RETREG1: variants seen among roughly 807,000 people sequenced by gnomAD.
The protein encoded by RETREG1 is family with sequence similarity 134 member B.
RETREG1 carries 44 observed loss-of-function variants against 54.8 expected under a neutral mutation model. That is an observed-to-expected ratio of 0.80 (90% CI 0.63 to 1.03). RETREG1 has a LOEUF of 1.03. Ranked by LOEUF, RETREG1 falls within the 50% of genes least tolerant of loss-of-function variation. RETREG1 has a pLI of 0.00. For missense variants in RETREG1, 554 were observed against 605.1 expected, an observed-to-expected ratio of 0.92 and a Z score of 0.89; for synonymous variants, 217 against 238.5, an observed-to-expected ratio of 0.91 and a Z score of 0.83.
At chr5:16,589,558 G>C (rs1182075177) in intron 1 of RETREG1, among the ~76,000 whole-genome samples, 1 of 152,110 alleles carries the variant, frequency 6.6e-6, no homozygotes, top group East Asian at 1.9e-4. Context: ...TAGAGACGGG[G>C]CTTCACCATG....
intron 3 of RETREG1, among the ~76,000 whole-genome samples, chr5:16,483,932 G>C (rs1463739907): frequency 6.6e-6 from 1 of 152,038 alleles, no homozygotes; most frequent in Non-Finnish European, 1.5e-5. Context: ...GAGGAGACTA[G>C]GTCATGGAAG....
At chr5:16,570,226 TCTA>T (rs1303457590) in intron 2 of RETREG1, among the ~76,000 whole-genome samples, 10 of 152,336 alleles carry the variant, frequency 6.6e-5, no homozygotes, top group Admixed American at 1.3e-4. Context: ...TTCTTTCTAT[TCTA>T]CTACCTTAAT....
chr5:16,484,272 A>T lies in RETREG1; in HGVS notation c.459-800T>A, dbSNP rs1738932045. On this transcript the variant is annotated intron_variant, in intron 3 of 8. Transcript: ENST00000306320. ...CCAGGAAGAAGACACATGTAAATAC[A>T]TGTCATTCCCTAACATTACAATGAC... is the stretch of plus-strand genomic sequence containing the variant. Among the ~76,000 whole-genome samples, 5 of 152,278 alleles carry T rather than the reference A, an allele frequency of 3.3e-5. No homozygotes were observed. In the South Asian group the frequency reaches 1.0e-3, roughly 32 times the overall value.
intron 3 of RETREG1, among the ~76,000 whole-genome samples, chr5:16,517,119 C>T (rs13181248): frequency 3.5e-4 from 26 of 73,524 alleles, no homozygotes; most frequent in African/African-American, 3.0e-4. Flanking sequence ...ATATATCTAA[C>T]AGGAGTCTTG....
chr5:16,524,285 A>C (rs569011130), intron 3 of RETREG1, among the ~76,000 whole-genome samples: 1 of 152,204 alleles, frequency 6.6e-6, no homozygotes, highest in South Asian at 2.1e-4. Flanking sequence ...CGTGTGAACC[A>C]TTTCCAATGT....
intron 1 of RETREG1, among the ~76,000 whole-genome samples, chr5:16,602,027 AGCAAGAGCGGGATAAAGATGTTTTCC>A (rs1329147568): frequency 6.6e-6 from 1 of 152,214 alleles, no homozygotes; most frequent in Non-Finnish European, 1.5e-5. Flanking sequence ...AGAAATCCAC[AGCAAGAGCGGGATAAAGATGTTTTCC>A]GCATACAAGT....
chr5:16,603,637 C>A (rs1004707250), intron 1 of RETREG1, among the ~76,000 whole-genome samples: 2 of 152,106 alleles, frequency 1.3e-5, no homozygotes. Flanking sequence ...GCCTCCATAA[C>A]GGCTCCATGC....
At chr5:16,542,746 A>G (rs772912501) in intron 3 of RETREG1, among the ~76,000 whole-genome samples, 9 of 152,244 alleles carry the variant, frequency 5.9e-5, no homozygotes, top group Non-Finnish European at 1.2e-4. Flanking sequence ...AGACAGTTCC[A>G]TGAAACTCCT....
At chr5:16,527,060 C>A (rs1740736286) in intron 3 of RETREG1, among the ~76,000 whole-genome samples, 1 of 152,252 alleles carries the variant, frequency 6.6e-6, no homozygotes. Context: ...GCCTGCATCA[C>A]AGCTCAGCTT....
At position 16,590,876 on chromosome 5, in the gene RETREG1, TACACAC is replaced by T. The variant is rs35072010; in HGVS notation, c.321-18780_321-18775del. Among the ~76,000 whole-genome samples the T allele has an allele frequency of 3.0e-3, 445 of 148,786 alleles. 3 individuals are homozygous for T. Among genetic ancestry groups the T allele is most frequent in the Non-Finnish European group, 4.8e-3 (324 of 67,274 alleles). On this transcript the variant is annotated intron_variant, in intron 1 of 8. Coordinates refer to ENST00000306320, the MANE Select transcript of RETREG1 (RefSeq NM_001034850.3). Reference sequence around the variant, plus strand: ...CACAAAAAACACACACATGCAAACATACACACACACGCACACACACATGCACAAACA... The same window carrying T: ...CACAAAAAACACACACATGCAAACATACACGCACACACACATGCACAAACA...
intron 3 of RETREG1, among the ~76,000 whole-genome samples, chr5:16,547,248 C>T (rs772089294): frequency 2.0e-5 from 3 of 152,180 alleles, no homozygotes; most frequent in Non-Finnish European, 2.9e-5. Context: ...CCTCCTTTCT[C>T]TACTCACAAC....
At chr5:16,562,945 T>C (rs1477214761) in intron 3 of RETREG1, among the ~76,000 whole-genome samples, 1 of 152,134 alleles carries the variant, frequency 6.6e-6, no homozygotes, top group Non-Finnish European at 1.5e-5. Context: ...TATTGCTTCA[T>C]TGATTGTACC....
chr5:16,508,074 C>A (rs902110844), intron 3 of RETREG1, among the ~76,000 whole-genome samples: 7 of 152,150 alleles, frequency 4.6e-5, no homozygotes, highest in African/African-American at 1.7e-4. Context: ...TAATGTACTC[C>A]CTGTAAAGGG....
chr5:16,534,079 C>T (rs59397845), intron 3 of RETREG1, among the ~76,000 whole-genome samples: 13,893 of 151,142 alleles, frequency 0.092, 687 homozygotes, highest in African/African-American at 0.12. Context: ...GAAAGTCCCT[C>T]GAGAGGTCTG....
At chr5:16,485,422 G>C (rs1370689746) in intron 3 of RETREG1, among the ~76,000 whole-genome samples, 1 of 152,088 alleles carries the variant, frequency 6.6e-6, no homozygotes, top group Non-Finnish European at 1.5e-5. Context: ...TCCCACCTTG[G>C]CCTTCCAAAG....
intron 3 of RETREG1, among the ~76,000 whole-genome samples, chr5:16,525,515 C>T (rs564123679): frequency 6.6e-6 from 1 of 152,268 alleles, no homozygotes; most frequent in South Asian, 2.1e-4. Flanking sequence ...AAGGCACCAG[C>T]AAGGCTCCTC....
intron 3 of RETREG1, among the ~76,000 whole-genome samples, chr5:16,553,329 G>GAA (rs11376896): frequency 1.0e-3 from 152 of 150,676 alleles, no homozygotes; most frequent in East Asian, 4.3e-3. Context: ...AAACGTGTAA[G>GAA]AAAAAAAAAC....
In RETREG1 at chr5:16,593,942, C is replaced by G. The variant is rs184994953; in HGVS notation, c.321-21840G>C. On this transcript the variant is annotated intron_variant, in intron 1 of 8. Transcript: ENST00000306320. This position sits in a 1 kb window ranked among gnomAD's most constrained non-coding sequence, Gnocchi z 4.9. ...AATGTCTGGCCTTCTTTCTAGACAC[C>G]TGGTAGTTCCAACAAAAAGCCAAAG... Among the ~76,000 whole-genome samples, 1 of 152,328 alleles carries G rather than the reference C, an allele frequency of 6.6e-6. No individual in the cohort carries two copies. The highest frequency in any genetic ancestry group is 1.9e-4 in the East Asian group (1 of 5,188).
intron 1 of RETREG1, among the ~76,000 whole-genome samples, chr5:16,603,983 C>G (rs573429859): frequency 2.6e-4 from 39 of 152,176 alleles, no homozygotes; most frequent in African/African-American, 9.4e-4. Flanking sequence ...AAACGGAAAA[C>G]AAAGGTGGTG....
Sources: allele counts gnomAD v4.1 joint callset (sites outside exome capture counted in the v4.1 genomes callset), GRCh38; gene constraint gnomAD v4.1.1; non-coding constraint Gnocchi (gnomAD v3.1); transcripts MANE v1.5; gene names NCBI Gene and HGNC (gene_info 2026-07-23, HGNC 2026-07-21).